IRAK3: variants seen among roughly 807,000 people sequenced by gnomAD.
The protein encoded by IRAK3 is interleukin-1 receptor-associated kinase 3.
In IRAK3, 57 loss-of-function variants were observed where a neutral mutation model predicts 56.6. The ratio of observed to expected loss-of-function variants is 1.01; its 90% CI spans 0.81 to 1.26. IRAK3 has a LOEUF of 1.26. Among genes scored for constraint, IRAK3 ranks in the 50% most tolerant of loss-of-function variants. The pLI, the probability that IRAK3 is intolerant of heterozygous loss-of-function variation, is 0.00. For missense variants in IRAK3, 703 were observed against 719.0 expected (o/e 0.98, Z 0.25); for synonymous variants, 258 against 255.7 (o/e 1.01, Z -0.09).
chr12:66,245,599 A>G (rs796404697), intron 11 of IRAK3, among the ~76,000 whole-genome samples: 4 of 141,788 alleles, frequency 2.8e-5, no homozygotes, highest in African/African-American at 5.4e-5. Context: ...GTGCAGTGGC[A>G]CGGCCCACTG....
intron 5 of IRAK3, among the ~76,000 whole-genome samples, chr12:66,214,316 G>T (rs1007902781): frequency 1.3e-5 from 2 of 151,700 alleles, no homozygotes; most frequent in Admixed American, 1.3e-4. Context: ...TTGAGGTCAG[G>T]AGTTCGAGAC....
At chr12:66,241,655 T>C (rs1418198201) in intron 8 of IRAK3, among the ~76,000 whole-genome samples, 3 of 152,252 alleles carry the variant, frequency 2.0e-5, no homozygotes, top group African/African-American at 7.2e-5. Flanking sequence ...ATCACTGGAC[T>C]CAAAATTTAT....
intron 6 of IRAK3, among the ~76,000 whole-genome samples, chr12:66,223,635 G>C (rs2052757533): frequency 6.6e-6 from 1 of 150,792 alleles, no homozygotes; most frequent in African/African-American, 2.4e-5. Context: ...CTCCAGCCTG[G>C]GCAACAGAGC....
chr12:66,226,978 A>G, intron 7 of IRAK3, 141 bp downstream of exon 7: 1 of 687,188 alleles, frequency 1.5e-6, no homozygotes, highest in South Asian at 1.5e-5. Flanking sequence ...AGGAAGCAGT[A>G]CTTCTTGGAT....
At position 66,244,652 on chromosome 12, in the gene IRAK3, T is replaced by A. The variant is rs780511488; in HGVS notation, c.1054T>A (p.Ser352Thr). 3.7e-6 allele frequency: 6 copies of A among 1,614,070 alleles called. No individual in the cohort carries two copies. Among genetic ancestry groups the A allele is most frequent in the Non-Finnish European group, 5.1e-6 (6 of 1,179,966 alleles). The change falls in exon 9 of 12, where the codon TCC (serine) becomes ACC (threonine). Residue 352 changes from serine (S) to threonine (T), a missense_variant. Physicochemically the swap from Ser to Thr is moderately conservative, Grantham distance 58 (BLOSUM62 1). Transcript: ENST00000261233. Reference sequence around the variant, plus strand: ...AGAGTACATCAGACAGGGGAAACTTTCCATTAAAACAGATGTCTACAGCTT... The same window carrying A: ...AGAGTACATCAGACAGGGGAAACTTACCATTAAAACAGATGTCTACAGCTT... ...PEEYIRQGKL[S>T]IKTDVYSFGI...
At chr12:66,206,867 G>A (rs543829530) in intron 2 of IRAK3, among the ~76,000 whole-genome samples, 1 of 152,264 alleles carries the variant, frequency 6.6e-6, no homozygotes, top group South Asian at 2.1e-4. Flanking sequence ...ACGTTTTAAA[G>A]TACTAGCTCA....
intron 8 of IRAK3, among the ~76,000 whole-genome samples, chr12:66,235,415 C>G (rs1376827179): frequency 6.6e-6 from 1 of 151,258 alleles, no homozygotes; most frequent in Non-Finnish European, 1.5e-5. Flanking sequence ...GGAACTCCCT[C>G]TCGCCGCGCG....
chr12:66,228,294 T>A lies in IRAK3; in HGVS notation c.811T>A (p.Leu271Ile). The A allele has an allele frequency of 6.2e-7, 1 of 1,614,144 alleles. No homozygotes were observed. Among genetic ancestry groups the A allele is most frequent in the Non-Finnish European group, 8.5e-7 (1 of 1,180,002 alleles). Reference sequence around the variant, plus strand: ...CCCTTGGCACATTCGAATCGGTATATTAATAGGAATATCCAAAGCCATTCA... The same window carrying A: ...CCCTTGGCACATTCGAATCGGTATAATAATAGGAATATCCAAAGCCATTCA... ...PLPWHIRIGI[L>I]IGISKAIHYL... is the part of the protein sequence containing the mutation. Residue 271 changes from leucine (L) to isoleucine (I), a missense_variant, in exon 8 of 12, where the codon TTA becomes ATA. By Grantham distance (5) the Leu-to-Ile change is conservative (BLOSUM62 2). Transcript: ENST00000261233.
chr12:66,189,257 G>C lies in IRAK3; in HGVS notation c.-43G>C. The C allele has an allele frequency of 6.5e-7, 1 of 1,533,316 alleles. No individual in the cohort carries two copies. Among genetic ancestry groups the C allele is most frequent in the Non-Finnish European group, 8.7e-7 (1 of 1,145,546 alleles). 95.0% of individuals were successfully genotyped at this position (1,533,316 alleles called of 1,614,324 possible). On this transcript the variant is annotated 5_prime_UTR_variant, in exon 1 of 12. Transcript: ENST00000261233. ...TAACGGCCTGTCGCAGGCGTGCAGG[G>C]ACCTGGACTCCGCCTCGTCCCCGGG...
intron 1 of IRAK3, among the ~76,000 whole-genome samples, chr12:66,199,319 G>A (rs1409540083): frequency 6.6e-6 from 1 of 152,154 alleles, no homozygotes; most frequent in South Asian, 2.1e-4. Flanking sequence ...GTCATAGGTC[G>A]ATGGCAGTGC....
In IRAK3 at chr12:66,217,254, G is replaced by C. The variant is rs533985899; in HGVS notation, c.653+19G>C. 1 of 1,565,288 alleles carries C rather than the reference G, an allele frequency of 6.4e-7. No homozygotes were observed. Among genetic ancestry groups the C allele is most frequent in the African/African-American group, 1.4e-5 (1 of 73,912 alleles). On this transcript the variant is annotated intron_variant, in intron 6 of 11. Transcript: ENST00000261233. ...TACTACTGTGAGTATGTTTTCTCTG[G>C]AATTTCCTCCTCTTTGTGCCTGGGT...
rs1193856629 is a variant in IRAK3 at position 66,189,326 on chromosome 12, C to T, written c.27C>T (p.Gly9=). 6.5e-7 allele frequency: 1 copy of T among 1,533,270 alleles called. No homozygotes were observed. The highest frequency in any genetic ancestry group is 2.4e-5 in the East Asian group (1 of 41,030). 95.0% of individuals were successfully genotyped at this position (1,533,270 alleles called of 1,614,324 possible). Reference sequence around the variant, plus strand: ...TGGCGGGGAACTGTGGGGCCCGCGGCGCGCTGTCGGCGCACACGCTGCTGT... The same window carrying T: ...TGGCGGGGAACTGTGGGGCCCGCGGTGCGCTGTCGGCGCACACGCTGCTGT... The part of the protein sequence containing the change: MAGNCGAR[G]ALSAHTLLFD... Residue 9 remains glycine (G), a synonymous_variant, in exon 1 of 12, where the codon GGC becomes GGT. Transcript: ENST00000261233.
chr12:66,252,735 A>G lies in IRAK3; in HGVS notation c.*4564A>G, dbSNP rs1245819767. ...CCTGGCTCCTCTGCCAGCTCTTCCA[A>G]ATGGGTTCAGAGAGGTTTTCTCCTT... On this transcript the variant is annotated 3_prime_UTR_variant, in exon 12 of 12. Coordinates refer to ENST00000261233, the MANE Select transcript of IRAK3 (RefSeq NM_007199.3). 3.3e-5 allele frequency: 5 copies of G among 152,190 alleles called. No homozygotes were observed. The highest frequency in any genetic ancestry group is 1.2e-4 in the African/African-American group (5 of 41,404). 9.4% of individuals were successfully genotyped at this position (152,190 alleles called of 1,614,324 possible).
intron 2 of IRAK3, among the ~76,000 whole-genome samples, chr12:66,207,670 C>T (rs899307688): frequency 6.6e-6 from 1 of 152,010 alleles, no homozygotes; most frequent in African/African-American, 2.4e-5. Flanking sequence ...CTATAAATTT[C>T]CCTCTAAGCA....
chr12:66,229,181 A>G (rs1054982710), intron 8 of IRAK3, among the ~76,000 whole-genome samples: 8 of 152,202 alleles, frequency 5.3e-5, no homozygotes, highest in African/African-American at 1.9e-4. Flanking sequence ...CTGCTGTCTC[A>G]TAACTTTATA....
At chr12:66,205,977 G>A (rs1473756257) in intron 2 of IRAK3, among the ~76,000 whole-genome samples, 4 of 152,022 alleles carry the variant, frequency 2.6e-5, no homozygotes, top group African/African-American at 7.2e-5. Flanking sequence ...TTATATTTCT[G>A]GCATGCATGT....
chr12:66,209,088 G>C (rs1018999131), intron 2 of IRAK3, among the ~76,000 whole-genome samples: 2 of 145,212 alleles, frequency 1.4e-5, no homozygotes, highest in African/African-American at 5.1e-5. Flanking sequence ...AAAAAAAAAA[G>C]GCTGATAATT....
intron 1 of IRAK3, among the ~76,000 whole-genome samples, chr12:66,190,002 T>C (rs1002473670): frequency 5.3e-5 from 8 of 152,168 alleles, no homozygotes; most frequent in African/African-American, 1.9e-4. Flanking sequence ...TATTTTAATC[T>C]AAAAAAATTG....
chr12:66,220,004 T>C (rs1486916373), intron 6 of IRAK3, among the ~76,000 whole-genome samples: 1 of 152,204 alleles, frequency 6.6e-6, no homozygotes, highest in African/African-American at 2.4e-5. Flanking sequence ...AGGTTTCCAT[T>C]TCATTTTGTT....
Sources: gnomAD v4.1 joint callset for allele counts (sites outside exome capture counted in the v4.1 genomes callset) on GRCh38, gnomAD v4.1.1 for gene constraint, MANE v1.5 for transcripts, NCBI Gene and HGNC (gene_info 2026-07-23, HGNC 2026-07-21) for gene names.